The following LRRTM4 variants were observed in gnomAD, a reference collection of about 807,000 sequenced individuals.
LRRTM4 encodes the protein leucine-rich repeat transmembrane neuronal protein 4.
LRRTM4 carries 25 observed loss-of-function variants against 47.6 expected under a neutral mutation model. The observed-to-expected ratio is 0.53, with a 90% CI of 0.38 to 0.73. The LOEUF is 0.73. Among genes scored for constraint, LRRTM4 ranks in the 30% least tolerant of loss-of-function variants. LRRTM4 has a pLI of 0.00. For missense variants in LRRTM4, 638 were observed against 713.4 expected (o/e 0.89, Z 1.20); for synonymous variants, 311 against 269.5 (o/e 1.15, Z -1.51).
chr2:77,171,410 G>A (rs1015889143), intron 3 of LRRTM4, among the ~76,000 whole-genome samples: 1 of 151,976 alleles, frequency 6.6e-6, no homozygotes, highest in South Asian at 2.1e-4. Flanking sequence ...CCAAGTAGCT[G>A]GGATTACAAG....
chr2:77,040,042 T>C (rs1225532690), intron 3 of LRRTM4, among the ~76,000 whole-genome samples: 1 of 151,246 alleles, frequency 6.6e-6, no homozygotes, highest in African/African-American at 2.4e-5. Context: ...TATCTTGATG[T>C]ATGTTGTAGC....
intron 3 of LRRTM4, among the ~76,000 whole-genome samples, chr2:77,324,847 A>T (rs1670698312): frequency 6.6e-6 from 1 of 152,176 alleles, no homozygotes; most frequent in Non-Finnish European, 1.5e-5. Context: ...CAATTGAGAG[A>T]AGAGTTTATT....
chr2:77,314,366 A>C (rs1677558400), intron 3 of LRRTM4, among the ~76,000 whole-genome samples: 1 of 152,228 alleles, frequency 6.6e-6, no homozygotes, highest in Non-Finnish European at 1.5e-5. Flanking sequence ...ATAATAATTA[A>C]CAAAAATAAT....
intron 3 of LRRTM4, among the ~76,000 whole-genome samples, chr2:77,172,390 T>C (rs959355664): frequency 1.3e-5 from 2 of 151,464 alleles, no homozygotes; most frequent in African/African-American, 4.9e-5. Flanking sequence ...AGATCAGGAG[T>C]TCGAGACTAG....
intron 3 of LRRTM4, among the ~76,000 whole-genome samples, chr2:77,243,761 T>A (rs1350290656): frequency 1.7e-5 from 2 of 119,376 alleles, no homozygotes; most frequent in East Asian, 4.2e-4. Context: ...TATCCCTTTT[T>A]TTTTCTTTTT....
At chr2:77,289,160 G>T (rs1053471522) in intron 3 of LRRTM4, among the ~76,000 whole-genome samples, 2 of 151,970 alleles carry the variant, frequency 1.3e-5, no homozygotes, top group African/African-American at 4.8e-5. Context: ...ATATGTGAAA[G>T]GAGTTTACAC....
At position 77,298,505 on chromosome 2, in the gene LRRTM4, G is replaced by A. The variant is rs569180845; in HGVS notation, c.1551+219813C>T. ...GCCCGCCTCGGCCTCCCAAAGTGCT[G>A]GGATTACAGGCGTTAAAGGAACTTT... On this transcript the variant is annotated intron_variant, in intron 3 of 3. Transcript: ENST00000409884. Among the ~76,000 whole-genome samples, 9 of 152,262 alleles carry A rather than the reference G, an allele frequency of 5.9e-5. No individual in the cohort carries two copies. The South Asian group carries it at 1.9e-3, about 32-fold the overall frequency.
At chr2:76,995,864 C>T (rs17406023) in intron 3 of LRRTM4, among the ~76,000 whole-genome samples, 19,213 of 151,980 alleles carry the variant, frequency 0.13, 1,479 homozygotes, top group Admixed American at 0.2. Context: ...ACACAAACAC[C>T]TATTCAAGAT....
chr2:77,027,005 C>A (rs1324246723), intron 3 of LRRTM4, among the ~76,000 whole-genome samples: 1 of 152,024 alleles, frequency 6.6e-6, no homozygotes, highest in Non-Finnish European at 1.5e-5. Context: ...ATTTGAGTTC[C>A]TGCTTCCACT....
chr2:77,048,643 A>AC (rs1234130483), intron 3 of LRRTM4, among the ~76,000 whole-genome samples: 1 of 152,014 alleles, frequency 6.6e-6, no homozygotes, highest in African/African-American at 2.4e-5. Context: ...TATTTTTAAT[A>AC]CATACACGAT....
At chr2:77,056,545 G>A (rs901162714) in intron 3 of LRRTM4, among the ~76,000 whole-genome samples, 1 of 152,060 alleles carries the variant, frequency 6.6e-6, no homozygotes, top group African/African-American at 2.4e-5. Flanking sequence ...ATAAAGAGAT[G>A]AAAGTAATTG....
intron 3 of LRRTM4, among the ~76,000 whole-genome samples, chr2:77,207,782 T>G (rs927995670): frequency 5.9e-5 from 9 of 151,926 alleles, no homozygotes; most frequent in Admixed American, 1.3e-4. Context: ...TTATATTCTG[T>G]TTTTTCCATT....
chr2:76,802,902 A>G (rs1481819863), intron 3 of LRRTM4, among the ~76,000 whole-genome samples: 1 of 152,160 alleles, frequency 6.6e-6, no homozygotes, highest in African/African-American at 2.4e-5. Context: ...ATTCATTTGC[A>G]GAAAAATGAA....
In LRRTM4 at chr2:77,211,439, GA is replaced by G. The variant is rs151302505; in HGVS notation, c.1551+306878del. Among the ~76,000 whole-genome samples, 1,181 of 152,274 alleles carry G rather than the reference GA, an allele frequency of 7.8e-3. 12 individuals carry two copies. The highest frequency in any genetic ancestry group is 0.011 in the Non-Finnish European group (751 of 68,014). ...TAGGAAGCCGCTGGGTGAGAGAACA[GA>G]GAAAGGGAAACAAATCTGAGAGCAA... On this transcript the variant is annotated intron_variant, in intron 3 of 3. Transcript: ENST00000409884.
At chr2:76,896,692 A>G (rs959739623) in intron 3 of LRRTM4, among the ~76,000 whole-genome samples, 11 of 151,596 alleles carry the variant, frequency 7.3e-5, no homozygotes, top group Non-Finnish European at 1.2e-4. Context: ...ATCTAATTAA[A>G]TACTTAAGAG....
At chr2:77,259,529 G>A (rs1675860970) in intron 3 of LRRTM4, among the ~76,000 whole-genome samples, 1 of 151,922 alleles carries the variant, frequency 6.6e-6, no homozygotes, top group East Asian at 1.9e-4. Flanking sequence ...CACTTTCGTG[G>A]GAAATCTAAA....
intron 3 of LRRTM4, among the ~76,000 whole-genome samples, chr2:77,080,166 T>G (rs535923175): frequency 9.3e-4 from 142 of 152,194 alleles, no homozygotes; most frequent in Admixed American, 1.7e-3. Context: ...ATTAGCAGCA[T>G]TTGAAAAACT....
intron 3 of LRRTM4, among the ~76,000 whole-genome samples, chr2:77,037,349 T>C (rs1382240411): frequency 6.6e-6 from 1 of 151,752 alleles, no homozygotes; most frequent in Non-Finnish European, 1.5e-5. Flanking sequence ...CTATTATCTT[T>C]TGGTGAGTCT....
Position 77,098,729 on chromosome 2 carries a change from T to A in LRRTM4, c.1552-349813A>T, listed in dbSNP as rs538832113. Reference sequence around the variant, plus strand: ...ACAAATCACTAAGAGATATAATCTATGTAACACATATTACTCACAAAAGAT... The same window carrying A: ...ACAAATCACTAAGAGATATAATCTAAGTAACACATATTACTCACAAAAGAT... On this transcript the variant is annotated intron_variant, in intron 3 of 3. Coordinates refer to ENST00000409884, the MANE Select transcript of LRRTM4 (RefSeq NM_001134745.3). 2.0e-5 allele frequency among the ~76,000 whole-genome samples: 3 copies of A among 152,048 alleles called. No individual in the cohort carries two copies. In the South Asian group the frequency reaches 6.2e-4, roughly 32 times the overall value.
Sources: gnomAD v4.1 joint callset for allele counts (sites outside exome capture counted in the v4.1 genomes callset) on GRCh38, gnomAD v4.1.1 for gene constraint, MANE v1.5 for transcripts, NCBI Gene and HGNC (gene_info 2026-07-23, HGNC 2026-07-21) for gene names.